ZNF215: variants seen among roughly 807,000 people sequenced by gnomAD.
ZNF215 encodes BWSCR2-associated zinc finger protein 2.
ZNF215 carries 24 observed loss-of-function variants against 27.2 expected under a neutral mutation model. That is an observed-to-expected ratio of 0.88 (90% CI 0.64 to 1.24). ZNF215 has a LOEUF of 1.24. Ranked by LOEUF, ZNF215 falls within the 50% of genes most tolerant of loss-of-function variation. The probability of loss-of-function intolerance (pLI) is 0.00; values close to 1 mark genes in which losing one functional copy is unlikely to be tolerated. For missense variants in ZNF215, 675 were observed against 605.7 expected (o/e 1.11, Z -1.20); for synonymous variants, 210 against 204.0 (o/e 1.03, Z -0.25).
At position 6,932,719 on chromosome 11, in the gene ZNF215, G is replaced by A. The variant is rs1013554385; in HGVS notation, c.400+47G>A. The A allele has an allele frequency of 1.3e-6, 2 of 1,525,610 alleles. 1 individual carries two copies. The allele number at this position is 1,525,610 out of a possible 1,614,324, so 94.5% of individuals were successfully genotyped here. A position where few individuals can be genotyped will look rare whatever the true frequency, so the allele number is the denominator to read the frequency against. On this transcript the variant is annotated intron_variant, in intron 3 of 6. Transcript: ENST00000278319. ...AGGTAAAATACTTGACCTTTCCCAT[G>A]TAAAGAGAAATTATCTTTTTTTGAG...
rs1850399406 is a variant in ZNF215, at chr11:6,957,286, T to A, written c.*755T>A. 2 of 626,256 alleles carry A rather than the reference T, an allele frequency of 3.2e-6. No individual in the cohort carries two copies. Among genetic ancestry groups the A allele is most frequent in the Non-Finnish European group, 2.0e-6 (1 of 502,136 alleles). 38.8% of individuals were successfully genotyped at this position (626,256 alleles called of 1,614,324 possible). A position where few individuals can be genotyped will look rare whatever the true frequency, so the allele number is the denominator to read the frequency against. The stretch of plus-strand genomic sequence containing the variant: ...GGGACACTGTGTGGAGTTCGCACAC[T>A]CTCCCTATGTCTCCGGGTGCTCCAG... On this transcript the variant is annotated 3_prime_UTR_variant, in exon 7 of 7. Coordinates refer to ENST00000278319, the MANE Select transcript of ZNF215 (RefSeq NM_013250.4).
intron 6 of ZNF215, among the ~76,000 whole-genome samples, chr11:6,950,047 A>G (rs1310470812): frequency 4.0e-5 from 6 of 151,542 alleles, no homozygotes; most frequent in Non-Finnish European, 7.4e-5. Context: ...AGTTGTAGAT[A>G]TGCGGCGTTA....
chr11:6,961,443 T>C (rs769970406), downstream of ZNF215, among the ~76,000 whole-genome samples: 3 of 152,148 alleles, frequency 2.0e-5, no homozygotes, highest in Non-Finnish European at 4.4e-5. Context: ...TACCATTTCA[T>C]TGGCAAGAGA....
chr11:6,968,237 C>G (rs961363875), intron 5 of ZNF215, among the ~76,000 whole-genome samples: 1 of 152,148 alleles, frequency 6.6e-6, no homozygotes, highest in Non-Finnish European at 1.5e-5. Context: ...CAGCTTTGTT[C>G]TTTTTGCTTG....
intron 5 of ZNF215, among the ~76,000 whole-genome samples, chr11:6,967,675 T>G (rs144520727): frequency 1.2e-3 from 187 of 152,370 alleles, no homozygotes; most frequent in African/African-American, 4.4e-3. Context: ...TCTTTGAAGA[T>G]TCTGGATATT....
chr11:6,927,156 C>T (rs1849082083), intron 1 of ZNF215, among the ~76,000 whole-genome samples: 1 of 152,058 alleles, frequency 6.6e-6, no homozygotes, highest in Non-Finnish European at 1.5e-5. Flanking sequence ...GTGACTGGAT[C>T]AATCAACTGG....
intron 6 of ZNF215, among the ~76,000 whole-genome samples, chr11:6,947,937 T>G (rs1050831407): frequency 6.6e-6 from 1 of 152,200 alleles, no homozygotes; most frequent in African/African-American, 2.4e-5. Context: ...TGGCCTCTCT[T>G]TGAGGCTTGG....
At chr11:6,949,679 G>A (rs1383670483) in intron 6 of ZNF215, among the ~76,000 whole-genome samples, 4 of 152,040 alleles carry the variant, frequency 2.6e-5, no homozygotes, top group African/African-American at 7.2e-5. Flanking sequence ...CCATTTTGTG[G>A]GTTGCCTGTT....
intron 5 of ZNF215, among the ~76,000 whole-genome samples, chr11:6,967,323 G>A (rs184408457): frequency 6.6e-6 from 1 of 152,222 alleles, no homozygotes; most frequent in Admixed American, 6.5e-5. Context: ...TGGGTACCCA[G>A]TAATGGGATT....
chr11:6,932,614 C>A lies in ZNF215; in HGVS notation c.342C>A (p.Asn114Lys). ...VRTWVNLQHP[N>K]NSKDMVTLIE... ...CTTGGGTGAATTTACAACATCCAAACAACAGTAAAGATATGGTGACCCTCA... is the reference window on the plus strand; with the variant it reads ...CTTGGGTGAATTTACAACATCCAAAAAACAGTAAAGATATGGTGACCCTCA... Residue 114 changes from asparagine to lysine, a missense_variant, in exon 3 of 7, where the codon AAC (asparagine) becomes AAA (lysine). Asn to Lys is a moderately conservative substitution (Grantham distance 94, BLOSUM62 0). Coordinates refer to ENST00000278319, the MANE Select transcript of ZNF215 (RefSeq NM_013250.4). 8 of 1,613,966 alleles carry A rather than the reference C, an allele frequency of 5.0e-6. No individual in the cohort carries two copies. Among genetic ancestry groups the A allele is most frequent in the Non-Finnish European group, 6.8e-6 (8 of 1,179,952 alleles).
At chr11:6,936,905 G>T (rs1849455990) in intron 3 of ZNF215, among the ~76,000 whole-genome samples, 1 of 149,798 alleles carries the variant, frequency 6.7e-6, no homozygotes, top group African/African-American at 2.4e-5. Flanking sequence ...AAAAAAAAAG[G>T]ACTAGAAGTG....
At chr11:6,943,359 C>CT in intron 5 of ZNF215, 144 bp downstream of exon 5, 1 of 1,320,330 alleles carries the variant, frequency 7.6e-7, no homozygotes, top group Non-Finnish European at 1.0e-6. Context: ...AGCAGATTTT[C>CT]TGACTCATCT....
chr11:6,936,938 A>T (rs1165548894), intron 3 of ZNF215, among the ~76,000 whole-genome samples: 1 of 151,754 alleles, frequency 6.6e-6, no homozygotes, highest in African/African-American at 2.4e-5. Context: ...CTGACAAAGG[A>T]CATTTATGAA....
intron 5 of ZNF215, among the ~76,000 whole-genome samples, chr11:6,972,488 CTA>C (rs796947614): frequency 3.3e-5 from 5 of 151,626 alleles, no homozygotes; most frequent in African/African-American, 1.2e-4. Flanking sequence ...AACTTAATAA[CTA>C]TTGAATAACT....
chr11:6,983,854 G>GA (rs1362854603), intron 5 of ZNF215, among the ~76,000 whole-genome samples: 1 of 152,008 alleles, frequency 6.6e-6, no homozygotes, highest in African/African-American at 2.4e-5. Context: ...ATCTGGCAAA[G>GA]AATATAATCC....
rs1290326312 is a variant in ZNF215 at position 6,957,318 on chromosome 11, A to T, written c.*787A>T. 15 of 348,260 alleles carry T rather than the reference A, an allele frequency of 4.3e-5. No homozygotes were observed. Among genetic ancestry groups the T allele is most frequent in the Non-Finnish European group, 6.1e-5 (15 of 247,740 alleles). The allele number at this position is 348,260 out of a possible 1,614,324, so 21.6% of individuals were successfully genotyped here. A position where few individuals can be genotyped will look rare whatever the true frequency, so the allele number is the denominator to read the frequency against. ...ATGTCTCCGGGTGCTCCAGTTTCAA[A>T]CCCCAAAGATGTATACATTAGGTTA... On this transcript the variant is annotated 3_prime_UTR_variant, in exon 7 of 7. Coordinates refer to ENST00000278319, the MANE Select transcript of ZNF215 (RefSeq NM_013250.4).
chr11:6,948,115 T>A (rs1849889844), intron 6 of ZNF215, among the ~76,000 whole-genome samples: 1 of 151,072 alleles, frequency 6.6e-6, no homozygotes, highest in Non-Finnish European at 1.5e-5. Context: ...CAGAATAAAC[T>A]CTACTTCAGG....
chr11:6,928,648 A>G (rs937450565), intron 2 of ZNF215, among the ~76,000 whole-genome samples: 8 of 152,148 alleles, frequency 5.3e-5, no homozygotes, highest in Non-Finnish European at 1.2e-4. Flanking sequence ...TATTGTTGCA[A>G]TTAACATCTC....
Position 6,932,512 on chromosome 11 carries a change from G to T in ZNF215, c.240G>T (p.Glu80Asp), listed in dbSNP as rs1323162580. 1 of 1,614,050 alleles carries T rather than the reference G, an allele frequency of 6.2e-7. No homozygotes were observed. The highest frequency in any genetic ancestry group is 8.5e-7 in the Non-Finnish European group (1 of 1,180,042). The change falls in exon 3 of 7, where the codon GAG (glutamate) becomes GAT (aspartate). Residue 80 changes from glutamate (E) to aspartate (D), a missense_variant. Coordinates refer to ENST00000278319, the MANE Select transcript of ZNF215 (RefSeq NM_013250.4). ...WELCLQWLRP[E>D]IHTKKQIIEL... ...TCTGTCTTCAATGGCTGAGACCAGA[G>T]ATTCATACAAAGAAGCAGATTATAG...
Sources: gnomAD v4.1 joint callset for allele counts (sites outside exome capture counted in the v4.1 genomes callset) on GRCh38, gnomAD v4.1.1 for gene constraint, MANE v1.5 for transcripts, NCBI Gene and HGNC (gene_info 2026-07-23, HGNC 2026-07-21) for gene names.